GPR180: variants seen among roughly 807,000 people sequenced by gnomAD.
The protein encoded by GPR180 is G protein-coupled receptor 180.
A neutral mutation model predicts 52.6 loss-of-function variants in GPR180; 53 were observed. That is an observed-to-expected ratio of 1.01 (90% CI 0.81 to 1.27). The LOEUF is 1.27. Among genes scored for constraint, GPR180 ranks in the 50% most tolerant of loss-of-function variants. The probability of loss-of-function intolerance (pLI) is 0.00; values close to 1 mark genes in which losing one functional copy is unlikely to be tolerated. For synonymous variants in GPR180, 200 were observed against 193.1 expected, an observed-to-expected ratio of 1.04 and a Z score of -0.30; for missense variants, 533 against 527.0, an observed-to-expected ratio of 1.01 and a Z score of -0.11.
intron 2 of GPR180, among the ~76,000 whole-genome samples, chr13:94,607,655 G>T (rs957080675): frequency 1.3e-5 from 2 of 151,622 alleles, no homozygotes; most frequent in South Asian, 2.1e-4. Context: ...GGCTCTTCTG[G>T]TGTGTTCATT....
intron 2 of GPR180, among the ~76,000 whole-genome samples, chr13:94,607,155 A>G (rs1408865778): frequency 1.3e-5 from 2 of 151,276 alleles, no homozygotes; most frequent in Admixed American, 1.3e-4. Context: ...TGACCTTTCT[A>G]CCCCCTCATA....
Position 94,619,484 on chromosome 13 carries a change from A to C in GPR180, c.703A>C (p.Ile235Leu), listed in dbSNP as rs1449571934. The C allele has an allele frequency of 6.2e-7, 1 of 1,613,306 alleles. No homozygotes were observed. Among genetic ancestry groups the C allele is most frequent in the East Asian group, 2.2e-5 (1 of 44,858 alleles). The change falls in exon 5 of 9, where the codon ATA becomes CTA. Residue 235 changes from isoleucine to leucine, a missense_variant. By Grantham distance (5) the Ile-to-Leu change is conservative. Transcript: ENST00000376958. Reference sequence around the variant, plus strand: ...ATTCCTCAGTTACTCCAAAGATGGAATAGGGGTACCATTTATGGGAAGTTT... The same window carrying C: ...ATTCCTCAGTTACTCCAAAGATGGACTAGGGGTACCATTTATGGGAAGTTT... Reference protein sequence around the residue: ...IHFSSYSKDGIGVPFMGSLAE... With the variant: ...IHFSSYSKDGLGVPFMGSLAE...
At position 94,612,310 on chromosome 13, in the gene GPR180, A is replaced by T. The variant is rs772062883; in HGVS notation, c.425A>T (p.Glu142Val). ...CQDDKENSQV[E>V]DIPFEMVLLN... ...GATGACAAGGAGAATTCTCAGGTGG[A>T]AGATATCCCATTTGAAATGGTGTTA... is the stretch of plus-strand genomic sequence containing the variant. Residue 142 changes from glutamate to valine, a missense_variant, in exon 3 of 9, where the codon GAA becomes GTA. Physicochemically the swap from Glu to Val is moderately radical, Grantham distance 121. Transcript: ENST00000376958. The T allele has an allele frequency of 6.2e-7, 1 of 1,613,930 alleles. No homozygotes were observed. Among genetic ancestry groups the T allele is most frequent in the East Asian group, 2.2e-5 (1 of 44,862 alleles).
At position 94,633,554 on chromosome 13, in the gene GPR180, G is replaced by A. The variant is rs767764921; in HGVS notation, c.*6383G>A. ...ACATATTTTTCCCACTTTTCTATTGGGTTGGTTGTCTTTTTCTTATTGATT... is the reference window on the plus strand; with the variant it reads ...ACATATTTTTCCCACTTTTCTATTGAGTTGGTTGTCTTTTTCTTATTGATT... On this transcript the variant is annotated 3_prime_UTR_variant, in exon 9 of 9. Transcript: ENST00000376958. The A allele has an allele frequency of 4.6e-5, 7 of 151,674 alleles. No homozygotes were observed. The highest frequency in any genetic ancestry group is 1.0e-4 in the Non-Finnish European group (7 of 67,930). The allele number at this position is 151,674 out of a possible 1,614,324, so 9.4% of individuals were successfully genotyped here.
chr13:94,617,784 G>A (rs1889797129), intron 3 of GPR180, among the ~76,000 whole-genome samples: 1 of 152,106 alleles, frequency 6.6e-6, no homozygotes, highest in South Asian at 2.1e-4. Flanking sequence ...TTCGCTATTG[G>A]AATGAAAGTT....
intron 3 of GPR180, among the ~76,000 whole-genome samples, chr13:94,618,419 G>GTTTTTTTTTTTT (rs1566980109): frequency 1.4e-5 from 1 of 72,976 alleles, no homozygotes; most frequent in African/African-American, 1.2e-4. Flanking sequence ...ATCAGCACAG[G>GTTTTTTTTTTTT]ATTTTTTTTT....
At position 94,625,927 on chromosome 13, in the gene GPR180, T is replaced by A. The variant is rs371753490; in HGVS notation, c.1087-39T>A. 838 of 1,507,664 alleles carry A rather than the reference T, an allele frequency of 5.6e-4. 4 individuals are homozygous for A. Among genetic ancestry groups the A allele is most frequent in the Admixed American group, 1.5e-3 (90 of 58,486 alleles). 93.4% of individuals were successfully genotyped at this position (1,507,664 alleles called of 1,614,324 possible). Reference sequence around the variant, plus strand: ...TGTCTGGTACATGCTGAAAAAAAGCTACACAGTTCTACTTATTTCACTTTT... The same window carrying A: ...TGTCTGGTACATGCTGAAAAAAAGCAACACAGTTCTACTTATTTCACTTTT... On this transcript the variant is annotated intron_variant, in intron 7 of 8. Transcript: ENST00000376958.
chr13:94,619,608 A>G lies in GPR180; in HGVS notation c.736+91A>G. 2.7e-6 allele frequency: 3 copies of G among 1,094,394 alleles called. No individual in the cohort carries two copies. In the Admixed American group the frequency reaches 6.6e-5, roughly 24 times the overall value. The allele number at this position is 1,094,394 out of a possible 1,614,324, so 67.8% of individuals were successfully genotyped here. A position where few individuals can be genotyped will look rare whatever the true frequency, so the allele number is the denominator to read the frequency against. ...TTGTCATAGTATAAATTTTCTGTCG[A>G]AAATTGTTTAGAAATCAGCTTGACT... On this transcript the variant is annotated intron_variant, in intron 5 of 8. Transcript: ENST00000376958.
chr13:94,612,149 T>C, intron 2 of GPR180, 41 bp from the exon 3 acceptor site: 1 of 1,495,576 alleles, frequency 6.7e-7, no homozygotes, highest in East Asian at 2.3e-5. Flanking sequence ...GAAACACATT[T>C]GAGAATTTTG....
chr13:94,625,278 G>A (rs1412766240), intron 7 of GPR180, among the ~76,000 whole-genome samples: 1 of 152,094 alleles, frequency 6.6e-6, no homozygotes, highest in African/African-American at 2.4e-5. Flanking sequence ...TCCTTCTGGA[G>A]TTTTAAGTAT....
rs142195055 is a variant in GPR180, at chr13:94,631,346, C to T, written c.*4175C>T. The T allele has an allele frequency of 2.2e-4, 34 of 152,064 alleles. No homozygotes were observed. Among genetic ancestry groups the T allele is most frequent in the African/African-American group, 7.7e-4 (32 of 41,474 alleles). 9.4% of individuals were successfully genotyped at this position (152,064 alleles called of 1,614,324 possible). On this transcript the variant is annotated 3_prime_UTR_variant, in exon 9 of 9. Transcript: ENST00000376958. ...CTGCCAGACACAAAAGAAACCGCCT[C>T]CTATAATCCCTATAATAAGCCCCTT...
chr13:94,607,941 T>TTAGC (rs969579485), intron 2 of GPR180, among the ~76,000 whole-genome samples: 1 of 152,238 alleles, frequency 6.6e-6, no homozygotes, highest in Non-Finnish European at 1.5e-5. Flanking sequence ...TGGCTGGTTG[T>TTAGC]TAGCTTTTTG....
chr13:94,622,442 G>A (rs1254717778), intron 6 of GPR180, among the ~76,000 whole-genome samples: 1 of 152,148 alleles, frequency 6.6e-6, no homozygotes, highest in Non-Finnish European at 1.5e-5. Flanking sequence ...ATATAGCTCT[G>A]ATCTTCAACA....
At chr13:94,605,748 A>T (rs1889622101) in intron 2 of GPR180, among the ~76,000 whole-genome samples, 199 bp downstream of exon 2, 1 of 152,150 alleles carries the variant, frequency 6.6e-6, no homozygotes, top group African/African-American at 2.4e-5. Flanking sequence ...AAAAAAATCC[A>T]GATAATTTAT....
chr13:94,609,646 T>C lies in GPR180; in HGVS notation c.305-2544T>C, dbSNP rs1889678477. Among the ~76,000 whole-genome samples, 3 of 152,186 alleles carry C rather than the reference T, an allele frequency of 2.0e-5. No homozygotes were observed. In the South Asian group the frequency reaches 6.2e-4, roughly 31 times the overall value. ...TGCAAATTGCACATTTAAACAGTCT[T>C]ATTTGTGAATCATTTATTGATCATA... On this transcript the variant is annotated intron_variant, in intron 2 of 8. Transcript: ENST00000376958.
chr13:94,608,653 A>G (rs923002161), intron 2 of GPR180, among the ~76,000 whole-genome samples: 1 of 152,160 alleles, frequency 6.6e-6, no homozygotes, highest in Non-Finnish European at 1.5e-5. Flanking sequence ...AACAAAAAGC[A>G]TATCCTTAAA....
intron 5 of GPR180, among the ~76,000 whole-genome samples, chr13:94,620,749 T>G (rs989038427): frequency 1.3e-5 from 2 of 152,148 alleles, no homozygotes; most frequent in Non-Finnish European, 2.9e-5. Flanking sequence ...AGAACAGGAT[T>G]ATGTAGTTAG....
At chr13:94,625,515 C>T (rs1264535080) in intron 7 of GPR180, among the ~76,000 whole-genome samples, 1 of 152,118 alleles carries the variant, frequency 6.6e-6, no homozygotes, top group Admixed American at 6.5e-5. Flanking sequence ...CCCATTCTTA[C>T]CTGCCCAGCT....
chr13:94,613,698 A>G lies in GPR180; in HGVS notation c.505+1308A>G, dbSNP rs1004857319. ...TGAATGTAAAGGTTAAATTTCATTA[A>G]TGATACTTTCGACTAGTATAGATCA... On this transcript the variant is annotated intron_variant, in intron 3 of 8. Coordinates refer to ENST00000376958, the MANE Select transcript of GPR180 (RefSeq NM_180989.6). Among the ~76,000 whole-genome samples, 12 of 152,312 alleles carry G rather than the reference A, an allele frequency of 7.9e-5. 1 individual carries two copies. Among genetic ancestry groups the G allele is most frequent in the Admixed American group, 6.5e-4 (10 of 15,310 alleles).
Sources: allele counts gnomAD v4.1 joint callset (sites outside exome capture counted in the v4.1 genomes callset), GRCh38; gene constraint gnomAD v4.1.1; transcripts MANE v1.5; gene names NCBI Gene and HGNC (gene_info 2026-07-23, HGNC 2026-07-21).